SOX6: variants seen among roughly 807,000 people sequenced by gnomAD.
The protein encoded by SOX6 is SRY-box transcription factor 6.
SOX6 carries 11 observed loss-of-function variants against 97.8 expected under a neutral mutation model. That is an observed-to-expected ratio of 0.11 (90% CI 0.07 to 0.19). SOX6 has a LOEUF of 0.19. Among genes scored for constraint, SOX6 ranks in the 10% least tolerant of loss-of-function variants. The probability of loss-of-function intolerance (pLI) is 1.00; values close to 1 mark genes in which losing one functional copy is unlikely to be tolerated. For synonymous variants in SOX6, 360 were observed against 371.4 expected (o/e 0.97, Z 0.35); for missense variants, 810 against 1,039.5 (o/e 0.78, Z 3.04).
At chr11:16,525,002 A>G (rs1447056409) in intron 4 of SOX6, among the ~76,000 whole-genome samples, 3 of 152,236 alleles carry the variant, frequency 2.0e-5, no homozygotes, top group Non-Finnish European at 4.4e-5. Context: ...AACTGGAAGA[A>G]CACTCCATGC....
intron 3 of SOX6, among the ~76,000 whole-genome samples, chr11:16,667,184 G>A (rs756108986): frequency 2.0e-5 from 3 of 150,598 alleles, no homozygotes; most frequent in Admixed American, 6.6e-5. Context: ...AGTTTGCAGT[G>A]AACCGAGATC....
rs1216994182 is a variant in SOX6 at position 15,970,888 on chromosome 11, C to T, written c.*1921G>A. Reference sequence around the variant, plus strand: ...GTGAACTATCCCATTCACTGACATTCTCCCACTAAACCTCTCTGGGGGAAG... The same window carrying T: ...GTGAACTATCCCATTCACTGACATTTTCCCACTAAACCTCTCTGGGGGAAG... On this transcript the variant is annotated 3_prime_UTR_variant, in exon 16 of 16. Transcript: ENST00000683767. The T allele has an allele frequency of 2.6e-5, 4 of 152,674 alleles. No homozygotes were observed. The highest frequency in any genetic ancestry group is 5.9e-5 in the Non-Finnish European group (4 of 68,052). 9.5% of individuals were successfully genotyped at this position (152,674 alleles called of 1,614,324 possible). A position where few individuals can be genotyped will look rare whatever the true frequency, so the allele number is the denominator to read the frequency against.
At chr11:16,095,802 G>T (rs767498170) in intron 9 of SOX6, among the ~76,000 whole-genome samples, 194 bp downstream of exon 9, 2 of 151,444 alleles carry the variant, frequency 1.3e-5, no homozygotes, top group African/African-American at 2.4e-5. Context: ...CAGGGGCATT[G>T]CTTTGGGATT....
At chr11:16,421,920 G>A (rs1416641901) in intron 1 of SOX6, among the ~76,000 whole-genome samples, 2 of 152,100 alleles carry the variant, frequency 1.3e-5, no homozygotes, top group Non-Finnish European at 2.9e-5. Flanking sequence ...GAACCATTTG[G>A]AAAATAAGCT....
chr11:16,651,912 TA>T lies in SOX6; in HGVS notation n.430-39653del, dbSNP rs369421805. ...CCAGAAAGCTCATAGATCTGATAAG[TA>T]AAGCTTCAGAATACAAAATTTATGT... On this transcript the variant is annotated intron_variant and non_coding_transcript_variant, in intron 3 of 5. Coordinates refer to the SOX6 transcript ENST00000524520. 7.1e-3 allele frequency among the ~76,000 whole-genome samples: 1,081 copies of T among 151,476 alleles called. 14 individuals carry two copies. The highest frequency in any genetic ancestry group is 0.024 in the African/African-American group (975 of 41,484).
At chr11:16,126,501 C>T (rs1437861107) in intron 6 of SOX6, among the ~76,000 whole-genome samples, 2 of 152,072 alleles carry the variant, frequency 1.3e-5, no homozygotes, top group East Asian at 3.9e-4. Context: ...CCTTATCTGG[C>T]TCAGGAAATG....
At chr11:16,533,487 C>T (rs1487903765) in intron 4 of SOX6, among the ~76,000 whole-genome samples, 1 of 151,992 alleles carries the variant, frequency 6.6e-6, no homozygotes, top group Non-Finnish European at 1.5e-5. Context: ...GCTTGAAAGT[C>T]ATGTATTAAC....
At chr11:16,002,530 A>G (rs145257935) in intron 13 of SOX6, among the ~76,000 whole-genome samples, 84 of 152,318 alleles carry the variant, frequency 5.5e-4, no homozygotes, top group African/African-American at 1.9e-3. Context: ...AAGGGAGCAT[A>G]GAGCATCAAA....
At chr11:16,495,431 T>C (rs1860578143) in intron 4 of SOX6, among the ~76,000 whole-genome samples, 1 of 152,132 alleles carries the variant, frequency 6.6e-6, no homozygotes, top group Non-Finnish European at 1.5e-5. Context: ...CCCCACCAAG[T>C]GCCACATCAT....
chr11:16,524,284 T>A (rs1861119350), intron 4 of SOX6, among the ~76,000 whole-genome samples: 1 of 151,502 alleles, frequency 6.6e-6, no homozygotes, highest in East Asian at 1.9e-4. Flanking sequence ...TCCACCATGA[T>A]CAAGTGGGCT....
At chr11:16,651,769 G>C (rs761883449) in intron 3 of SOX6, among the ~76,000 whole-genome samples, 1 of 152,126 alleles carries the variant, frequency 6.6e-6, no homozygotes, top group Non-Finnish European at 1.5e-5. Context: ...GGAAGTCCTA[G>C]CCAGAGCAAT....
chr11:16,182,735 T>G (rs1217644621), intron 6 of SOX6, among the ~76,000 whole-genome samples: 1 of 151,780 alleles, frequency 6.6e-6, no homozygotes. Flanking sequence ...CTGGACAAAA[T>G]GCCAATTAGG....
chr11:16,725,933 A>C (rs1848303475), intron 2 of SOX6, among the ~76,000 whole-genome samples: 1 of 152,230 alleles, frequency 6.6e-6, no homozygotes, highest in Non-Finnish European at 1.5e-5. Context: ...GTTAAATATA[A>C]AGTTAATTGT....
chr11:16,428,876 G>A (rs566806841), intron 1 of SOX6, among the ~76,000 whole-genome samples: 1 of 152,176 alleles, frequency 6.6e-6, no homozygotes, highest in Non-Finnish European at 1.5e-5. Context: ...GTCATTGGTA[G>A]CTTGATGGGG....
At chr11:16,147,054 G>A (rs1229825293) in intron 6 of SOX6, among the ~76,000 whole-genome samples, 9 of 152,136 alleles carry the variant, frequency 5.9e-5, no homozygotes, top group Non-Finnish European at 1.0e-4. Context: ...ACATGCACAC[G>A]TATGTTCATT....
intron 3 of SOX6, among the ~76,000 whole-genome samples, chr11:16,619,308 G>T (rs1848511132): frequency 1.3e-5 from 2 of 150,560 alleles, no homozygotes; most frequent in South Asian, 4.2e-4. Flanking sequence ...ATTGAACCAG[G>T]CACCATGCTC....
At chr11:15,975,283 C>G (rs973776813) in intron 15 of SOX6, among the ~76,000 whole-genome samples, 2 of 152,154 alleles carry the variant, frequency 1.3e-5, no homozygotes, top group Non-Finnish European at 2.9e-5. Context: ...CAAATTAACA[C>G]AAATTAAATT....
chr11:16,100,443 A>G (rs1005932294), intron 7 of SOX6, among the ~76,000 whole-genome samples: 10 of 151,772 alleles, frequency 6.6e-5, no homozygotes, highest in Admixed American at 5.3e-4. Context: ...ACATATTTCA[A>G]CTGACAGTTT....
At chr11:16,060,064 A>G (rs1446336436) in intron 9 of SOX6, among the ~76,000 whole-genome samples, 1 of 152,032 alleles carries the variant, frequency 6.6e-6, no homozygotes, top group Non-Finnish European at 1.5e-5. Flanking sequence ...CTCAATCATT[A>G]AAAAGATCAA....
Sources: allele counts gnomAD v4.1 joint callset (sites outside exome capture counted in the v4.1 genomes callset), GRCh38; gene constraint gnomAD v4.1.1; transcripts MANE v1.5; gene names NCBI Gene and HGNC (gene_info 2026-07-23, HGNC 2026-07-21).